TES: variants seen among roughly 807,000 people sequenced by gnomAD.
TES encodes the protein testin.
In TES, 41 loss-of-function variants were observed where a neutral mutation model predicts 48.2. The ratio of observed to expected loss-of-function variants is 0.85; its 90% CI spans 0.66 to 1.10. The LOEUF is 1.10. TES is among the 50% of genes least tolerant of loss of function. The pLI is 0.00. For missense variants in TES, 463 were observed against 515.1 expected (o/e 0.90, Z 0.98); for synonymous variants, 162 against 174.9 (o/e 0.93, Z 0.58).
intron 1 of TES, among the ~76,000 whole-genome samples, chr7:116,214,753 G>A (rs1167653424): frequency 1.3e-5 from 2 of 152,042 alleles, no homozygotes; most frequent in Admixed American, 6.5e-5. Context: ...TATTACCTAT[G>A]TCCCATCAAC....
rs1285440123 is a variant in TES at position 116,210,622 on chromosome 7, C to A, written c.-86C>A. On this transcript the variant is annotated 5_prime_UTR_variant, in exon 1 of 7. Coordinates refer to ENST00000358204, the MANE Select transcript of TES (RefSeq NM_015641.4). ...CGCCGCGGGAGTTCCGCAGGTTTCC[C>A]GTGTTCGCAGCGGAGCCGGAGGCCA... 6.3e-6 allele frequency: 8 copies of A among 1,260,578 alleles called. No individual in the cohort carries two copies. The highest frequency in any genetic ancestry group is 4.2e-4 in the Middle Eastern group (2 of 4,708). The allele number at this position is 1,260,578 out of a possible 1,614,324, so 78.1% of individuals were successfully genotyped here. A position where few individuals can be genotyped will look rare whatever the true frequency, so the allele number is the denominator to read the frequency against.
intron 1 of TES, among the ~76,000 whole-genome samples, chr7:116,223,577 C>T (rs1376597943): frequency 1.3e-5 from 2 of 151,884 alleles, no homozygotes. Context: ...GTGTGTGTAA[C>T]TATATATTGA....
At chr7:116,251,030 A>G (rs1799999360) in intron 4 of TES, among the ~76,000 whole-genome samples, 1 of 152,218 alleles carries the variant, frequency 6.6e-6, no homozygotes, top group African/African-American at 2.4e-5. Context: ...ATGAACAGAC[A>G]TAAGAACTAA....
chr7:116,252,578 C>T, intron 6 of TES, 102 bp downstream of exon 6: 1 of 1,566,490 alleles, frequency 6.4e-7, no homozygotes, highest in East Asian at 2.2e-5. Context: ...AAGCAGTCCT[C>T]CTAAGTAGAA....
intron 1 of TES, among the ~76,000 whole-genome samples, chr7:116,221,295 A>G (rs935765172): frequency 4.6e-5 from 7 of 152,170 alleles, no homozygotes; most frequent in African/African-American, 1.7e-4. Flanking sequence ...AGCTGGGTAT[A>G]TTAGGTTCCC....
intron 1 of TES, among the ~76,000 whole-genome samples, chr7:116,218,894 G>A (rs1297891273): frequency 6.6e-6 from 1 of 151,712 alleles, no homozygotes; most frequent in Non-Finnish European, 1.5e-5. Context: ...ACAAATACAG[G>A]GCCAATTAAA....
chr7:116,244,659 G>A (rs1236556704), intron 2 of TES, among the ~76,000 whole-genome samples: 12 of 152,186 alleles, frequency 7.9e-5, no homozygotes, highest in Non-Finnish European at 1.2e-4. Flanking sequence ...TCTTCTCACA[G>A]CTCCACTAGG....
intron 1 of TES, among the ~76,000 whole-genome samples, chr7:116,219,022 G>A (rs550099821): frequency 6.6e-6 from 1 of 152,218 alleles, no homozygotes; most frequent in East Asian, 1.9e-4. Context: ...TTTGTGAACT[G>A]CCACTTTGAG....
chr7:116,231,925 A>T (rs965998296), intron 1 of TES, among the ~76,000 whole-genome samples: 1 of 152,028 alleles, frequency 6.6e-6, no homozygotes, highest in Non-Finnish European at 1.5e-5. Context: ...GTCCATTCAG[A>T]TGCTTCATGG....
intron 2 of TES, among the ~76,000 whole-genome samples, chr7:116,241,070 G>A (rs1427334980): frequency 1.3e-5 from 2 of 152,146 alleles, no homozygotes; most frequent in South Asian, 4.1e-4. Context: ...GGCTGAAATT[G>A]AATATGTGAT....
rs1800027823 is a variant in TES, at chr7:116,252,329, C to A, written c.930C>A (p.Ser310Arg). ...TATCTTCTTCCTAGCTGATATTCAG[C>A]AATGAGTATACCCAGGCAGAAAACC... The part of the protein sequence containing the change: ...RCAGCDELIF[S>R]NEYTQAENQN... The change falls in exon 6 of 7, where the codon AGC becomes AGA. Residue 310 changes from serine to arginine, a missense_variant. Transcript: ENST00000358204. The A allele has an allele frequency of 6.2e-7, 1 of 1,607,262 alleles. No homozygotes were observed. Among genetic ancestry groups the A allele is most frequent in the Admixed American group, 1.7e-5 (1 of 59,918 alleles).
intron 6 of TES, among the ~76,000 whole-genome samples, chr7:116,253,675 C>T (rs1309723232): frequency 1.3e-5 from 2 of 152,130 alleles, no homozygotes; most frequent in African/African-American, 4.8e-5. Flanking sequence ...TTGCTTACTC[C>T]TAATAGTTTT....
chr7:116,236,909 G>A (rs564730272), intron 2 of TES, among the ~76,000 whole-genome samples: 15 of 152,118 alleles, frequency 9.9e-5, no homozygotes, highest in Admixed American at 1.3e-4. Flanking sequence ...TTCAGCTGGG[G>A]TTGATAACAG....
At chr7:116,252,984 T>G (rs1457905237) in intron 6 of TES, among the ~76,000 whole-genome samples, 2 of 152,336 alleles carry the variant, frequency 1.3e-5, no homozygotes, top group African/African-American at 4.8e-5. Context: ...GATTTTTGTG[T>G]GGGCCAAACA....
intron 3 of TES, chr7:116,249,591 G>A (rs1461658639): frequency 1.3e-5 from 3 of 231,622 alleles, no homozygotes; most frequent in Admixed American, 1.0e-4. Context: ...ATCTTAAGAT[G>A]GTAAAGAAGA....
chr7:116,253,725 C>T (rs1800052663), intron 6 of TES, among the ~76,000 whole-genome samples: 1 of 152,038 alleles, frequency 6.6e-6, no homozygotes, highest in Non-Finnish European at 1.5e-5. Context: ...CCTGACTGTA[C>T]CTACACATTT....
intron 5 of TES, 55 bp downstream of exon 5, chr7:116,252,030 C>A: frequency 1.3e-6 from 2 of 1,548,732 alleles, no homozygotes; most frequent in East Asian, 4.5e-5. Context: ...CTCATATGGT[C>A]CCTTTACCTA....
intron 1 of TES, among the ~76,000 whole-genome samples, chr7:116,229,799 T>G (rs1476316852): frequency 6.6e-6 from 1 of 152,236 alleles, no homozygotes; most frequent in Non-Finnish European, 1.5e-5. Flanking sequence ...TTCTAAATTA[T>G]AATTCAATCT....
intron 2 of TES, among the ~76,000 whole-genome samples, chr7:116,246,946 CCTTTTTT>C (rs1799934257): frequency 7.6e-6 from 1 of 131,046 alleles, no homozygotes; most frequent in African/African-American, 2.9e-5. Flanking sequence ...AGACTAGGCC[CCTTTTTT>C]TTTTTTTTTT....
Sources: allele counts gnomAD v4.1 joint callset (sites outside exome capture counted in the v4.1 genomes callset), GRCh38; gene constraint gnomAD v4.1.1; transcripts MANE v1.5; gene names NCBI Gene and HGNC (gene_info 2026-07-23, HGNC 2026-07-21).